Variants in HS6ST3 observed in about 807,000 individuals in gnomAD.
HS6ST3 encodes the protein heparan-sulfate 6-O-sulfotransferase 3.
A neutral mutation model predicts 36.7 loss-of-function variants in HS6ST3; 12 were observed. The ratio of observed to expected loss-of-function variants is 0.33; its 90% CI spans 0.21 to 0.53. The LOEUF (loss-of-function observed/expected upper bound fraction) is 0.53, where lower values mean the gene tolerates loss of function less well. Among genes scored for constraint, HS6ST3 ranks in the 20% least tolerant of loss-of-function variants. HS6ST3 has a pLI of 0.95. For synonymous variants in HS6ST3, 240 were observed against 257.5 expected (o/e 0.93, Z 0.65); for missense variants, 584 against 640.9 (o/e 0.91, Z 0.96).
intron 1 of HS6ST3, among the ~76,000 whole-genome samples, chr13:96,178,372 T>C (rs1404220441): frequency 1.3e-5 from 2 of 152,146 alleles, no homozygotes; most frequent in African/African-American, 4.8e-5. Context: ...TGTTGATTGG[T>C]GGGGACTTTA....
At chr13:96,806,328 T>C (rs1015449845) in intron 1 of HS6ST3, among the ~76,000 whole-genome samples, 1 of 152,190 alleles carries the variant, frequency 6.6e-6, no homozygotes, top group African/African-American at 2.4e-5. Flanking sequence ...ATGTGCCAGG[T>C]ATTAAAGGGA....
chr13:96,355,358 TACACACACACACACACACACACACACAC>T (rs66509801), intron 1 of HS6ST3, among the ~76,000 whole-genome samples: 1 of 140,482 alleles, frequency 7.1e-6, no homozygotes, highest in South Asian at 2.3e-4. Flanking sequence ...AGTCTATAGT[TACACACACACACACACACACACACACAC>T]ACACACACAC....
At chr13:96,657,883 G>A (rs1336149458) in intron 1 of HS6ST3, among the ~76,000 whole-genome samples, 2 of 152,116 alleles carry the variant, frequency 1.3e-5, no homozygotes, top group Non-Finnish European at 2.9e-5. Flanking sequence ...CTGAAGTCAG[G>A]CTTCAGTCCT....
intron 1 of HS6ST3, among the ~76,000 whole-genome samples, chr13:96,164,086 G>A (rs2054149898): frequency 2.6e-5 from 4 of 152,092 alleles, no homozygotes; most frequent in Admixed American, 2.6e-4. Context: ...TCCCTATCTT[G>A]GGGGAAGAGT....
intron 1 of HS6ST3, among the ~76,000 whole-genome samples, chr13:96,638,803 A>G (rs1192854122): frequency 6.6e-6 from 1 of 151,954 alleles, no homozygotes; most frequent in Admixed American, 6.6e-5. Context: ...GGGTGAGAAT[A>G]GATTAATAGA....
rs1325379689 is a variant in HS6ST3, at chr13:96,338,297, C to T, written c.707+246728C>T. On this transcript the variant is annotated intron_variant, in intron 1 of 1. Coordinates refer to ENST00000376705, the MANE Select transcript of HS6ST3 (RefSeq NM_153456.4). Reference sequence around the variant, plus strand: ...AACTTTCAGATGTGGAGGTGTTTCTCTTGGGTCTCAGTGCACCGGGGAAAG... The same window carrying T: ...AACTTTCAGATGTGGAGGTGTTTCTTTTGGGTCTCAGTGCACCGGGGAAAG... Among the ~76,000 whole-genome samples the T allele has an allele frequency of 2.0e-5, 3 of 152,102 alleles. No individual in the cohort carries two copies. The East Asian group carries it at 5.8e-4, about 29-fold the overall frequency.
intron 1 of HS6ST3, among the ~76,000 whole-genome samples, chr13:96,638,272 G>A (rs774285886): frequency 1.1e-4 from 16 of 151,924 alleles, no homozygotes; most frequent in Non-Finnish European, 2.1e-4. Context: ...TTACAGTGAG[G>A]GCCTTTTACA....
rs1232533533 is a variant in HS6ST3 at position 96,391,658 on chromosome 13, C to CA, written c.707+300091dup. ...AATCATGGTGGAAGGCAAGGAGGAG[C>CA]AAGTCACGTATTACATGGATGGCGG... On this transcript the variant is annotated intron_variant, in intron 1 of 1. Transcript: ENST00000376705. Among the ~76,000 whole-genome samples the CA allele has an allele frequency of 4.6e-5, 7 of 152,186 alleles. No homozygotes were observed. In the South Asian group the frequency reaches 1.0e-3, roughly 23 times the overall value.
intron 1 of HS6ST3, among the ~76,000 whole-genome samples, chr13:96,804,288 T>A (rs1412889989): frequency 6.6e-6 from 1 of 152,174 alleles, no homozygotes; most frequent in Non-Finnish European, 1.5e-5. Flanking sequence ...TAGAGAAATG[T>A]GGTGCAGATG....
At chr13:96,283,696 C>CT (rs1566311177) in intron 1 of HS6ST3, among the ~76,000 whole-genome samples, 1 of 152,056 alleles carries the variant, frequency 6.6e-6, no homozygotes, top group African/African-American at 2.4e-5. Flanking sequence ...CTATAATTTG[C>CT]TTTTTTCCAA....
chr13:96,548,614 G>A lies in HS6ST3; in HGVS notation c.708-283876G>A, dbSNP rs544953263. Among the ~76,000 whole-genome samples the A allele has an allele frequency of 4.6e-5, 7 of 152,268 alleles. No homozygotes were observed. The East Asian group carries it at 9.6e-4, about 21-fold the overall frequency. On this transcript the variant is annotated intron_variant, in intron 1 of 1. Transcript: ENST00000376705. ...TATGTATCTGTCTACCTATGTGTAT[G>A]TCTATCTATCTGTCTATCATCTGTC...
At chr13:96,734,348 A>G (rs369702924) in intron 1 of HS6ST3, among the ~76,000 whole-genome samples, 1 of 152,256 alleles carries the variant, frequency 6.6e-6, no homozygotes, top group East Asian at 1.9e-4. Flanking sequence ...TAAATTGTTT[A>G]AAGATGTCTA....
chr13:96,374,515 A>G (rs2055305243), intron 1 of HS6ST3, among the ~76,000 whole-genome samples: 1 of 152,182 alleles, frequency 6.6e-6, no homozygotes, highest in African/African-American at 2.4e-5. Flanking sequence ...AAGCAAGAGC[A>G]GATCTTGAGG....
chr13:96,714,284 A>G (rs1391223163), intron 1 of HS6ST3, among the ~76,000 whole-genome samples: 4 of 152,218 alleles, frequency 2.6e-5, no homozygotes, highest in Non-Finnish European at 5.9e-5. Context: ...TATGATACGG[A>G]TAACTTCTAC....
rs9584344 is a variant in HS6ST3 at position 96,146,241 on chromosome 13, A to T, written c.707+54672A>T. Among the ~76,000 whole-genome samples, 113 of 152,256 alleles carry T rather than the reference A, an allele frequency of 7.4e-4. 2 individuals are homozygous for T. Among genetic ancestry groups the T allele is most frequent in the African/African-American group, 2.4e-3 (98 of 41,576 alleles). On this transcript the variant is annotated intron_variant, in intron 1 of 1. Coordinates refer to ENST00000376705, the MANE Select transcript of HS6ST3 (RefSeq NM_153456.4). ...ATGGCACTGAATCTCTAAATTACCT[A>T]GGGCAGTATGGCCATTTTCACGATA...
At chr13:96,662,333 G>A (rs181916287) in intron 1 of HS6ST3, among the ~76,000 whole-genome samples, 150 of 151,972 alleles carry the variant, frequency 9.9e-4, no homozygotes, top group Non-Finnish European at 1.9e-3. Context: ...CTTCTGACTG[G>A]GTTAATTCAA....
chr13:96,276,062 T>G (rs1029808578), intron 1 of HS6ST3, among the ~76,000 whole-genome samples: 2 of 152,018 alleles, frequency 1.3e-5, no homozygotes, highest in Admixed American at 6.6e-5. Context: ...ACCATTCCCA[T>G]CATGCCTTGC....
intron 1 of HS6ST3, among the ~76,000 whole-genome samples, chr13:96,397,921 T>C (rs1288777383): frequency 6.6e-6 from 1 of 152,228 alleles, no homozygotes; most frequent in Non-Finnish European, 1.5e-5. Flanking sequence ...AAGACTATAA[T>C]GATTTGCTGA....
intron 1 of HS6ST3, among the ~76,000 whole-genome samples, chr13:96,163,419 T>C (rs1049493221): frequency 2.4e-4 from 36 of 151,878 alleles, no homozygotes; most frequent in South Asian, 1.2e-3. Flanking sequence ...TTAGTAGAGA[T>C]GGGGTTTCAC....
Sources: allele counts gnomAD v4.1 joint callset (sites outside exome capture counted in the v4.1 genomes callset), GRCh38; gene constraint gnomAD v4.1.1; transcripts MANE v1.5; gene names NCBI Gene and HGNC (gene_info 2026-07-23, HGNC 2026-07-21).